MYO3B: variants seen among roughly 807,000 people sequenced by gnomAD.
MYO3B encodes the protein myosin IIIB.
MYO3B carries 156 observed loss-of-function variants against 174.6 expected under a neutral mutation model. The ratio of observed to expected loss-of-function variants is 0.89; its 90% CI spans 0.78 to 1.02. MYO3B has a LOEUF of 1.02. MYO3B is among the 50% of genes least tolerant of loss of function. The pLI is 0.00. For missense variants in MYO3B, 1,632 were observed against 1,639.4 expected, an observed-to-expected ratio of 1.00 and a Z score of 0.08; for synonymous variants, 563 against 569.1, an observed-to-expected ratio of 0.99 and a Z score of 0.15.
intron 6 of MYO3B, among the ~76,000 whole-genome samples, chr2:170,221,880 A>T (rs1199273532): frequency 2.0e-5 from 3 of 152,120 alleles, no homozygotes; most frequent in Non-Finnish European, 4.4e-5. Flanking sequence ...AGATCAGAAC[A>T]ATTTTTTATA....
At chr2:170,460,216 G>A (rs13002948) in intron 23 of MYO3B, among the ~76,000 whole-genome samples, 35,410 of 152,014 alleles carry the variant, frequency 0.23, 4,991 homozygotes, top group Non-Finnish European at 0.31. Context: ...TAGGCCGGGC[G>A]TGGTGGCTCA....
At chr2:170,378,331 T>C (rs1381552326) in intron 9 of MYO3B, among the ~76,000 whole-genome samples, 1 of 152,162 alleles carries the variant, frequency 6.6e-6, no homozygotes, top group Non-Finnish European at 1.5e-5. Context: ...CACATATATA[T>C]ATTTTTTCTG....
chr2:170,201,324 C>A (rs2092658972), intron 3 of MYO3B, among the ~76,000 whole-genome samples: 1 of 152,222 alleles, frequency 6.6e-6, no homozygotes, highest in Non-Finnish European at 1.5e-5. Flanking sequence ...ACCTTCTGAA[C>A]CAGCTCATGT....
intron 8 of MYO3B, among the ~76,000 whole-genome samples, chr2:170,345,433 A>G (rs924681935): frequency 5.3e-5 from 8 of 152,186 alleles, no homozygotes; most frequent in African/African-American, 1.9e-4. Flanking sequence ...CATCAAATGC[A>G]TAATATTTAG....
At chr2:170,523,381 G>T (rs1218891239) in intron 30 of MYO3B, among the ~76,000 whole-genome samples, 1 of 150,922 alleles carries the variant, frequency 6.6e-6, no homozygotes, top group African/African-American at 2.4e-5. Flanking sequence ...GGATTCTGTT[G>T]TCCCCCTTAT....
rs531198075 is a variant in MYO3B at position 170,367,219 on chromosome 2, C to T, written c.816-2003C>T. Among the ~76,000 whole-genome samples the T allele has an allele frequency of 1.4e-4, 22 of 152,230 alleles. No homozygotes were observed. The South Asian group carries it at 1.9e-3, about 13-fold the overall frequency. On this transcript the variant is annotated intron_variant, in intron 8 of 34. Coordinates refer to ENST00000408978, the MANE Select transcript of MYO3B (RefSeq NM_138995.5). ...TGAGCATTTCCTGGTAGTCAGATGA[C>T]GCTTCAACAATTAACACAGGAAGAA...
At chr2:170,527,866 G>A (rs1046097818) in intron 30 of MYO3B, among the ~76,000 whole-genome samples, 1 of 152,210 alleles carries the variant, frequency 6.6e-6, no homozygotes, top group African/African-American at 2.4e-5. Context: ...AAACTTTAGG[G>A]CTGAAACTGT....
chr2:170,501,651 G>T, intron 27 of MYO3B, 134 bp from the exon 28 acceptor site: 1 of 615,956 alleles, frequency 1.6e-6, no homozygotes. Flanking sequence ...ACATACCTCT[G>T]CTTATTTTGT....
intron 25 of MYO3B, among the ~76,000 whole-genome samples, chr2:170,486,169 T>C (rs1438829465): frequency 1.3e-5 from 2 of 152,164 alleles, no homozygotes; most frequent in Non-Finnish European, 2.9e-5. Flanking sequence ...AAGCCCCTAA[T>C]AGATTATCTA....
At chr2:170,351,712 C>T (rs2094072063) in intron 8 of MYO3B, among the ~76,000 whole-genome samples, 1 of 152,062 alleles carries the variant, frequency 6.6e-6, no homozygotes, top group South Asian at 2.1e-4. Context: ...TTTCAGAACA[C>T]CTGAATAAAC....
intron 1 of MYO3B, 47 bp from the exon 2 acceptor site, chr2:170,199,161 C>T (rs1387147148): frequency 2.3e-6 from 3 of 1,331,344 alleles, no homozygotes; most frequent in Non-Finnish European, 3.0e-6. Flanking sequence ...GTCCACTGCC[C>T]CCAGTTCTGT....
intron 9 of MYO3B, among the ~76,000 whole-genome samples, chr2:170,370,097 C>G (rs1460385549): frequency 6.6e-6 from 1 of 151,978 alleles, no homozygotes; most frequent in African/African-American, 2.4e-5. Context: ...CAGAGGGTGG[C>G]AGAATTTCTC....
intron 6 of MYO3B, among the ~76,000 whole-genome samples, chr2:170,222,441 G>A (rs986516928): frequency 2.6e-5 from 4 of 152,198 alleles, no homozygotes; most frequent in Non-Finnish European, 2.9e-5. Flanking sequence ...AAACCAAGAT[G>A]CCAGCAGGCT....
At chr2:170,467,214 A>G (rs1461290843) in intron 25 of MYO3B, among the ~76,000 whole-genome samples, 1 of 152,166 alleles carries the variant, frequency 6.6e-6, no homozygotes, top group Non-Finnish European at 1.5e-5. Flanking sequence ...TATCATCCCC[A>G]TTTTACAAAA....
intron 32 of MYO3B, among the ~76,000 whole-genome samples, chr2:170,632,198 T>C (rs954789511): frequency 1.3e-5 from 2 of 152,102 alleles, no homozygotes; most frequent in African/African-American, 2.4e-5. Flanking sequence ...CAGCACCACA[T>C]CGCACTTGTT....
intron 7 of MYO3B, among the ~76,000 whole-genome samples, chr2:170,313,281 A>G (rs1243529001): frequency 6.6e-6 from 1 of 152,184 alleles, no homozygotes; most frequent in Non-Finnish European, 1.5e-5. Context: ...CTTGAAGGGG[A>G]GTAATATGGA....
At chr2:170,481,745 G>T (rs1404281114) in intron 25 of MYO3B, among the ~76,000 whole-genome samples, 1 of 152,140 alleles carries the variant, frequency 6.6e-6, no homozygotes, top group African/African-American at 2.4e-5. Context: ...CTAGGGGCAG[G>T]AGTGGCATGG....
At chr2:170,610,202 T>C (rs1261223908) in intron 32 of MYO3B, among the ~76,000 whole-genome samples, 1 of 152,072 alleles carries the variant, frequency 6.6e-6, no homozygotes, top group African/African-American at 2.4e-5. Flanking sequence ...TAGACGGGCA[T>C]GGTGGCGGGC....
In MYO3B at chr2:170,178,231, T is replaced by G. The variant is rs2092355539; in HGVS notation, c.-57T>G. On this transcript the variant is annotated 5_prime_UTR_variant, in exon 1 of 35. Transcript: ENST00000408978. ...TCTGGGCCTGAAGTGTTCTGCTGGTTTTTGGAGGAATGAGAATCCAATCTC... is the reference window on the plus strand; with the variant it reads ...TCTGGGCCTGAAGTGTTCTGCTGGTGTTTGGAGGAATGAGAATCCAATCTC... 3.1e-6 allele frequency: 5 copies of G among 1,612,582 alleles called. No homozygotes were observed. In the African/African-American group the frequency reaches 4.0e-5, roughly 13 times the overall value.
Sources: gnomAD v4.1 joint callset for allele counts (sites outside exome capture counted in the v4.1 genomes callset) on GRCh38, gnomAD v4.1.1 for gene constraint, MANE v1.5 for transcripts, NCBI Gene and HGNC (gene_info 2026-07-23, HGNC 2026-07-21) for gene names.